AK9: variants seen among roughly 807,000 people sequenced by gnomAD.
AK9 encodes adenylate kinase domain containing 1.
In AK9, 191 loss-of-function variants were observed where a neutral mutation model predicts 239.6. The ratio of observed to expected loss-of-function variants is 0.80; its 90% CI spans 0.71 to 0.90. AK9 has a LOEUF of 0.90. AK9 is among the 40% of genes least tolerant of loss of function. The probability of loss-of-function intolerance (pLI) is 0.00; values close to 1 mark genes in which losing one functional copy is unlikely to be tolerated. For missense variants in AK9, 1,995 were observed against 2,214.7 expected (o/e 0.90, Z 1.99); for synonymous variants, 689 against 721.0 (o/e 0.96, Z 0.71).
chr6:109,493,321 T>G lies in AK9; in HGVS notation c.*48A>C, dbSNP rs1776709214. On this transcript the variant is annotated 3_prime_UTR_variant, in exon 41 of 41. Transcript: ENST00000424296. The stretch of plus-strand genomic sequence containing the variant: ...ATCTACTTCTCTCAGTTTCCCTCTA[T>G]CACTTTCAGATAACTCTTGAGATTC... The G allele has an allele frequency of 6.4e-7, 1 of 1,567,658 alleles. No homozygotes were observed. The highest frequency in any genetic ancestry group is 2.2e-5 in the East Asian group (1 of 44,658).
At chr6:109,627,049 C>A (rs933355019) in intron 12 of AK9, among the ~76,000 whole-genome samples, 4 of 150,962 alleles carry the variant, frequency 2.6e-5, no homozygotes, top group Admixed American at 1.3e-4. Flanking sequence ...CAATTCTTAC[C>A]TTAAAACACA....
intron 8 of AK9, among the ~76,000 whole-genome samples, chr6:109,655,195 T>G (rs1156807057): frequency 6.6e-6 from 1 of 152,228 alleles, no homozygotes; most frequent in Non-Finnish European, 1.5e-5. Context: ...TTCTTTACCA[T>G]ATCCTTGCTA....
rs141400754 is a variant in AK9, at chr6:109,555,221, T to C, written c.2752-4919A>G. ...ATTCTTGTACATTGTCTCTTTGTTC[T>C]CATTGGTTTCAAAGAACTTCTTGAT... On this transcript the variant is annotated intron_variant, in intron 24 of 40. Coordinates refer to ENST00000424296, the MANE Select transcript of AK9 (RefSeq NM_001145128.3). Among the ~76,000 whole-genome samples, 1,472 of 152,358 alleles carry C rather than the reference T, an allele frequency of 9.7e-3. 30 individuals carry two copies. The highest frequency in any genetic ancestry group is 0.034 in the African/African-American group (1,400 of 41,578).
chr6:109,687,784 C>T (rs186879922), intron 1 of AK9, among the ~76,000 whole-genome samples: 8 of 152,154 alleles, frequency 5.3e-5, no homozygotes, highest in African/African-American at 1.9e-4. Context: ...GGAAACCGTG[C>T]GATCACAAAT....
intron 21 of AK9, among the ~76,000 whole-genome samples, chr6:109,570,673 G>A (rs1354736723): frequency 6.6e-6 from 1 of 152,064 alleles, no homozygotes; most frequent in East Asian, 1.9e-4. Context: ...CAGAGAAAAA[G>A]TACAAAGAGA....
At chr6:109,631,378 A>G (rs1796074333) in intron 12 of AK9, among the ~76,000 whole-genome samples, 1 of 152,254 alleles carries the variant, frequency 6.6e-6, no homozygotes, top group African/African-American at 2.4e-5. Flanking sequence ...AAAACACTTG[A>G]GAAAACACTT....
intron 28 of AK9, among the ~76,000 whole-genome samples, chr6:109,532,539 A>C (rs867480525): frequency 6.6e-6 from 1 of 152,158 alleles, no homozygotes; most frequent in Admixed American, 6.6e-5. Context: ...GTCACTCAGC[A>C]CAATGGTTTT....
At chr6:109,529,883 C>T (rs1781007123) in intron 28 of AK9, among the ~76,000 whole-genome samples, 1 of 152,140 alleles carries the variant, frequency 6.6e-6, no homozygotes, top group Admixed American at 6.6e-5. Flanking sequence ...CACTCACTTG[C>T]CCACTCACTG....
intron 8 of AK9, 144 bp downstream of exon 8, chr6:109,656,612 C>CCT: frequency 1.2e-6 from 1 of 850,666 alleles, no homozygotes; most frequent in Admixed American, 2.9e-5. Flanking sequence ...GGGATGGAGG[C>CCT]CTTTTTCTGA....
intron 8 of AK9, among the ~76,000 whole-genome samples, chr6:109,650,949 G>A (rs1291236791): frequency 6.6e-6 from 1 of 152,148 alleles, no homozygotes; most frequent in Non-Finnish European, 1.5e-5. Context: ...GATGAAACTG[G>A]AAACCATCAT....
chr6:109,562,226 T>C (rs1452792805), intron 24 of AK9, among the ~76,000 whole-genome samples: 1 of 152,210 alleles, frequency 6.6e-6, no homozygotes, highest in Non-Finnish European at 1.5e-5. Flanking sequence ...CAGAATCTTT[T>C]TCCTCTGTTG....
At chr6:109,648,829 G>A (rs1216621635) in intron 8 of AK9, among the ~76,000 whole-genome samples, 2 of 152,156 alleles carry the variant, frequency 1.3e-5, no homozygotes, top group African/African-American at 2.4e-5. Context: ...GAACATCGAT[G>A]CAAAAATCCT....
chr6:109,500,997 ACT>A (rs35288645), intron 35 of AK9, among the ~76,000 whole-genome samples: 52,414 of 151,844 alleles, frequency 0.35, 9,496 homozygotes, highest in South Asian at 0.44. Flanking sequence ...ACAGAGTGAG[ACT>A]CTCAAACAAA....
intron 12 of AK9, among the ~76,000 whole-genome samples, chr6:109,625,375 T>C (rs1795392468): frequency 6.6e-6 from 1 of 152,228 alleles, no homozygotes; most frequent in Non-Finnish European, 1.5e-5. Flanking sequence ...TGGCTGTCAT[T>C]TGTATCAATG....
chr6:109,563,585 A>G lies in AK9; in HGVS notation c.2751+12T>C. ...TCACAAATGAGAATGAGTAGAAATAAAAGAATCATGCCTCTTCCTCTTCCT... is the reference window on the plus strand; with the variant it reads ...TCACAAATGAGAATGAGTAGAAATAGAAGAATCATGCCTCTTCCTCTTCCT... On this transcript the variant is annotated intron_variant, in intron 24 of 40. Coordinates refer to ENST00000424296, the MANE Select transcript of AK9 (RefSeq NM_001145128.3). 1 of 1,549,106 alleles carries G rather than the reference A, an allele frequency of 6.5e-7. No homozygotes were observed. Among genetic ancestry groups the G allele is most frequent in the East Asian group, 2.4e-5 (1 of 40,888 alleles).
chr6:109,594,772 T>C (rs180956698), intron 17 of AK9, among the ~76,000 whole-genome samples: 2 of 152,306 alleles, frequency 1.3e-5, no homozygotes, highest in East Asian at 1.9e-4. Flanking sequence ...GGATTCCCTG[T>C]TTAATAAACG....
At chr6:109,538,894 G>T (rs886150683) in intron 27 of AK9, among the ~76,000 whole-genome samples, 1 of 152,130 alleles carries the variant, frequency 6.6e-6, no homozygotes, top group Non-Finnish European at 1.5e-5. Context: ...GAAATTCTGG[G>T]TTGAAAATTC....
At chr6:109,529,443 C>T (rs535508435) in intron 28 of AK9, among the ~76,000 whole-genome samples, 2 of 152,234 alleles carry the variant, frequency 1.3e-5, no homozygotes, top group South Asian at 4.1e-4. Flanking sequence ...ATTAAATAGC[C>T]TACCATAGCG....
chr6:109,552,688 G>C (rs1047381569), intron 24 of AK9, among the ~76,000 whole-genome samples: 1 of 152,128 alleles, frequency 6.6e-6, no homozygotes, highest in Non-Finnish European at 1.5e-5. Context: ...CTTTTGCTGT[G>C]CAGAAGCTCT....
Sources: allele counts gnomAD v4.1 joint callset (sites outside exome capture counted in the v4.1 genomes callset), GRCh38; gene constraint gnomAD v4.1.1; transcripts MANE v1.5; gene names NCBI Gene and HGNC (gene_info 2026-07-23, HGNC 2026-07-21).